SLC39A14: variants seen among roughly 807,000 people sequenced by gnomAD.
SLC39A14 encodes the protein metal cation symporter ZIP14.
Under a neutral mutation model 45.5 loss-of-function variants are expected in SLC39A14, and 19 were observed. The observed-to-expected ratio is 0.42, with a 90% CI of 0.29 to 0.61. SLC39A14 has a LOEUF of 0.61. SLC39A14 is among the 20% of genes least tolerant of loss of function. The pLI is 0.22. For missense variants in SLC39A14, 447 were observed against 616.5 expected, an observed-to-expected ratio of 0.73 and a Z score of 2.91; for synonymous variants, 264 against 251.3, an observed-to-expected ratio of 1.05 and a Z score of -0.48.
chr8:22,414,932 C>G (rs1207968309), intron 5 of SLC39A14, 30 bp downstream of exon 5: 9 of 1,607,232 alleles, frequency 5.6e-6, no homozygotes, highest in Non-Finnish European at 7.6e-6. Flanking sequence ...GAAGAAAGCT[C>G]TTCTAGGGAA....
intron 3 of SLC39A14, among the ~76,000 whole-genome samples, chr8:22,410,917 G>C (rs1483908151): frequency 6.6e-6 from 1 of 152,218 alleles, no homozygotes; most frequent in Non-Finnish European, 1.5e-5. Context: ...AGTCATGGAT[G>C]CTGCCCTTCA....
Position 22,421,949 on chromosome 8 carries a change from G to A in SLC39A14, c.*2251G>A, listed in dbSNP as rs1011732882. ...AAAGGGAAATCCTCTTTAAACCGTA[G>A]TTGGCGCAGAGGTCAGTCCTAGTCG... On this transcript the variant is annotated 3_prime_UTR_variant, in exon 9 of 9. Transcript: ENST00000381237. 1 of 985,336 alleles carries A rather than the reference G, an allele frequency of 1.0e-6. No individual in the cohort carries two copies. The highest frequency in any genetic ancestry group is 1.2e-6 in the Non-Finnish European group (1 of 829,950). 61.0% of individuals were successfully genotyped at this position (985,336 alleles called of 1,614,324 possible).
At chr8:22,394,446 A>G (rs527742739) in intron 1 of SLC39A14, among the ~76,000 whole-genome samples, 1 of 151,686 alleles carries the variant, frequency 6.6e-6, no homozygotes, top group East Asian at 1.9e-4. Flanking sequence ...CAACCTCCCA[A>G]GTAGCTGGTA....
In SLC39A14 at chr8:22,408,501, G is replaced by A; in HGVS notation, c.457+5G>A. Reference sequence around the variant, plus strand: ...GGCGGCCAAGCGCTGTTGAAGGTGAGCCAGGCCAGGAAGGCAGGAGCCCAT... The same window carrying A: ...GGCGGCCAAGCGCTGTTGAAGGTGAACCAGGCCAGGAAGGCAGGAGCCCAT... On this transcript the variant is annotated splice_donor_5th_base_variant and intron_variant, in intron 3 of 8. Coordinates refer to ENST00000381237, the MANE Select transcript of SLC39A14 (RefSeq NM_001128431.4). 1 of 1,610,128 alleles carries A rather than the reference G, an allele frequency of 6.2e-7. No homozygotes were observed. The highest frequency in any genetic ancestry group is 8.5e-7 in the Non-Finnish European group (1 of 1,177,676).
At chr8:22,371,015 T>C (rs906956533) in intron 1 of SLC39A14, among the ~76,000 whole-genome samples, 1 of 152,088 alleles carries the variant, frequency 6.6e-6, no homozygotes, top group African/African-American at 2.4e-5. Flanking sequence ...CACTATCTTG[T>C]TCCCCCCTCC....
At chr8:22,408,820 C>T (rs868654252) in intron 3 of SLC39A14, among the ~76,000 whole-genome samples, 3 of 130,538 alleles carry the variant, frequency 2.3e-5, no homozygotes, top group African/African-American at 5.9e-5. Flanking sequence ...CTTTTTTAAT[C>T]TTTTTTTTTT....
At chr8:22,432,927 A>G (rs1426926845) in intron 8 of SLC39A14, among the ~76,000 whole-genome samples, 1 of 148,662 alleles carries the variant, frequency 6.7e-6, no homozygotes, top group African/African-American at 2.5e-5. Context: ...TGCTGGGATT[A>G]TAGGCATTAA....
At chr8:22,426,869 A>G (rs1490970633), downstream of SLC39A14, among the ~76,000 whole-genome samples, 1 of 151,928 alleles carries the variant, frequency 6.6e-6, no homozygotes. Flanking sequence ...TTTTTAGTAG[A>G]GATGGGGTTT....
intron 1 of SLC39A14, chr8:22,398,924 G>A (rs1325089605): frequency 5.7e-6 from 1 of 176,112 alleles, no homozygotes; most frequent in African/African-American, 2.4e-5. Context: ...GTTGGGTCTG[G>A]CGCCTTAGAC....
At chr8:22,416,527 C>A (rs1057507961) in intron 7 of SLC39A14, among the ~76,000 whole-genome samples, 3 of 152,000 alleles carry the variant, frequency 2.0e-5, no homozygotes, top group Non-Finnish European at 4.4e-5. Flanking sequence ...TGGGTTCAAG[C>A]GATTCTCCTG....
intron 1 of SLC39A14, among the ~76,000 whole-genome samples, chr8:22,381,314 A>C: frequency 7.0e-6 from 1 of 141,882 alleles, no homozygotes; most frequent in Non-Finnish European, 1.5e-5. Flanking sequence ...TCGCTCCGTC[A>C]CCCAGACTGG....
chr8:22,383,291 C>T (rs1003446988), intron 1 of SLC39A14, among the ~76,000 whole-genome samples: 1 of 152,070 alleles, frequency 6.6e-6, no homozygotes, highest in Non-Finnish European at 1.5e-5. Context: ...TTTCTTTGTT[C>T]CCTGCTGGGG....
chr8:22,429,844 A>T (rs1236648775), intron 8 of SLC39A14, among the ~76,000 whole-genome samples: 1 of 152,182 alleles, frequency 6.6e-6, no homozygotes, highest in Non-Finnish European at 1.5e-5. Context: ...ATAAATTAAC[A>T]CGGGGGAGTG....
chr8:22,404,956 G>A lies in SLC39A14; in HGVS notation c.246G>A (p.Val82=). 1 of 1,614,138 alleles carries A rather than the reference G, an allele frequency of 6.2e-7. No individual in the cohort carries two copies. The highest frequency in any genetic ancestry group is 8.5e-7 in the Non-Finnish European group (1 of 1,180,026). The change falls in exon 2 of 9, where the codon GTG becomes GTA. Residue 82 remains valine, a synonymous_variant. Transcript: ENST00000381237. ...GVGRGNVTQH[V]QGHRNLSTCF... is the part of the protein sequence containing the mutation. ...GCCGGGGTAATGTCACCCAGCACGT[G>A]CAAGGACACAGGAACCTCTCCACGG...
At chr8:22,399,177 A>C (rs1463946135) in intron 1 of SLC39A14, among the ~76,000 whole-genome samples, 1 of 152,138 alleles carries the variant, frequency 6.6e-6, no homozygotes, top group African/African-American at 2.4e-5. Flanking sequence ...GGGGCCACAC[A>C]TGGAATGGAA....
rs373230777 is a variant in SLC39A14 at position 22,371,414 on chromosome 8, C to CTTTTTT, written c.-16+4038_-16+4043dup. Among the ~76,000 whole-genome samples, 44 of 120,116 alleles carry CTTTTTT rather than the reference C, an allele frequency of 3.7e-4. 9 individuals are homozygous for CTTTTTT. Among genetic ancestry groups the CTTTTTT allele is most frequent in the Non-Finnish European group, 6.1e-4 (30 of 49,478 alleles). 78.8% of individuals were successfully genotyped at this position (120,116 alleles called of 152,430 possible). A position where few individuals can be genotyped will look rare whatever the true frequency, so the allele number is the denominator to read the frequency against. Reference sequence around the variant, plus strand: ...GGATATCTAAAAAAAAAATACATGTCTTTTTTTTTTTTTTTTTTTTTTTTT... The same window carrying CTTTTTT: ...GGATATCTAAAAAAAAAATACATGTCTTTTTTTTTTTTTTTTTTTTTTTTTTTTTTT... On this transcript the variant is annotated intron_variant, in intron 1 of 8. Coordinates refer to ENST00000381237, the MANE Select transcript of SLC39A14 (RefSeq NM_001128431.4).
rs1832726153 is a variant in SLC39A14 at position 22,367,952 on chromosome 8, G to A, written c.-16+544G>A. On this transcript the variant is annotated intron_variant, in intron 1 of 8. Transcript: ENST00000381237. The surrounding 1 kb of genome is among the most constrained non-coding windows in gnomAD (Gnocchi z 4.2). ...TTTTGGTCCTTAATGACCAAGTTAG[G>A]TGGTCGGGTTCAGGCTGCCCCCTCT... Among the ~76,000 whole-genome samples the A allele has an allele frequency of 6.6e-6, 1 of 152,144 alleles. No individual in the cohort carries two copies. Among genetic ancestry groups the A allele is most frequent in the African/African-American group, 2.4e-5 (1 of 41,418 alleles).
chr8:22,388,853 A>G (rs560436343), intron 1 of SLC39A14, among the ~76,000 whole-genome samples: 2 of 142,504 alleles, frequency 1.4e-5, no homozygotes, highest in Non-Finnish European at 3.0e-5. Flanking sequence ...TTCTAACCCA[A>G]TTTGGAAATA....
chr8:22,422,859 T>G (rs934867945), downstream of SLC39A14: 7 of 302,130 alleles, frequency 2.3e-5, no homozygotes, highest in Non-Finnish European at 3.4e-5. Flanking sequence ...GTTTTGCTCT[T>G]GTCGCCCAGG....
Sources: allele counts gnomAD v4.1 joint callset (sites outside exome capture counted in the v4.1 genomes callset), GRCh38; gene constraint gnomAD v4.1.1; non-coding constraint Gnocchi (gnomAD v3.1); transcripts MANE v1.5; gene names NCBI Gene and HGNC (gene_info 2026-07-23, HGNC 2026-07-21).